The following CYSRT1 variants were observed in gnomAD, a reference collection of about 807,000 sequenced individuals.
CYSRT1 encodes the protein cysteine-rich tail protein 1.
Under a neutral mutation model 6.2 loss-of-function variants are expected in CYSRT1, and 7 were observed. That is an observed-to-expected ratio of 1.13 (90% CI 0.64 to 2.13). The LOEUF (loss-of-function observed/expected upper bound fraction) is 2.13. Among genes scored for constraint, CYSRT1 ranks in the 30% most tolerant of loss-of-function variants. The pLI is 0.00. For missense variants in CYSRT1, 188 were observed against 196.4 expected, an observed-to-expected ratio of 0.96 and a Z score of 0.26; for synonymous variants, 75 against 83.1, an observed-to-expected ratio of 0.90 and a Z score of 0.53.
Position 137,225,683 on chromosome 9 carries a change from A to T in CYSRT1, c.62A>T (p.His21Leu), listed in dbSNP as rs1835954615. ...PYAHISIPRA[H>L]LRPDLGQQLE... ...GCCCACATCAGCATCCCCCGGGCTC[A>T]CCTGCGGCCTGACCTGGGGCAGCAG... Residue 21 changes from histidine (H) to leucine (L), a missense_variant, in exon 2 of 2, where the codon CAC (histidine) becomes CTC (leucine). By Grantham distance (99) the His-to-Leu change is moderately conservative (BLOSUM62 -3). Coordinates refer to ENST00000650725, the MANE Select transcript of CYSRT1 (RefSeq NM_199001.5). The T allele has an allele frequency of 6.5e-6, 10 of 1,550,294 alleles. No homozygotes were observed. The highest frequency in any genetic ancestry group is 7.8e-6 in the Non-Finnish European group (9 of 1,146,948).
At position 137,226,030 on chromosome 9, in the gene CYSRT1, AGCT is replaced by A. The variant is rs1281931617; in HGVS notation, c.420_422del (p.Cys141del). Reference sequence around the variant, plus strand: ...CTGCCCCCCCTTCTGCCGCTGCCACAGCTGCTGCTGCTGTGTCATCTCCTAGCC... The same window carrying A: ...CTGCCCCCCCTTCTGCCGCTGCCACAGCTGCTGCTGTGTCATCTCCTAGCC... On this transcript the variant is annotated inframe_deletion, in exon 2 of 2. Coordinates refer to ENST00000650725, the MANE Select transcript of CYSRT1 (RefSeq NM_199001.5). 1 of 1,548,682 alleles carries A rather than the reference AGCT, an allele frequency of 6.5e-7. No homozygotes were observed. Among genetic ancestry groups the A allele is most frequent in the Non-Finnish European group, 8.7e-7 (1 of 1,146,688 alleles).
intron 1 of CYSRT1, 133 bp downstream of exon 1, chr9:137,225,366 A>G: frequency 1.8e-6 from 2 of 1,114,924 alleles, no homozygotes; most frequent in Non-Finnish European, 2.5e-6. Flanking sequence ...GGGGAGGGGG[A>G]GGATCCCTGG....
rs1219899706 is a variant in CYSRT1, at chr9:137,225,205, G to A, written c.-37G>A. 3.2e-6 allele frequency: 5 copies of A among 1,550,420 alleles called. No individual in the cohort carries two copies. The highest frequency in any genetic ancestry group is 2.7e-5 in the African/African-American group (2 of 73,190). On this transcript the variant is annotated 5_prime_UTR_variant, in exon 1 of 2. Coordinates refer to ENST00000650725, the MANE Select transcript of CYSRT1 (RefSeq NM_199001.5). ...TGGGACCTAGAGCTCAGAAGACCGA[G>A]AGGACAGACTGCCGTGTTGCCACCA...
Position 137,225,741 on chromosome 9 carries a change from G to A in CYSRT1, c.120G>A (p.Ser40=), listed in dbSNP as rs777169250. ...TGGCTTCCACCTGTTCCTCATCCTC[G>A]GAGATGCAGCCCCTGCCAGTGGGGC... ...LEVASTCSSS[S]EMQPLPVGPC... Residue 40 remains serine (S), a synonymous_variant, in exon 2 of 2, where the codon TCG becomes TCA. Transcript: ENST00000650725. 134 of 1,550,210 alleles carry A rather than the reference G, an allele frequency of 8.6e-5. 1 individual carries two copies. The highest frequency in any genetic ancestry group is 3.9e-4 in the South Asian group (33 of 84,046).
Position 137,225,239 on chromosome 9 carries a change from C to A in CYSRT1, c.-9+6C>A. 1 of 1,546,178 alleles carries A rather than the reference C, an allele frequency of 6.5e-7. No individual in the cohort carries two copies. Among genetic ancestry groups the A allele is most frequent in the Non-Finnish European group, 8.7e-7 (1 of 1,143,098 alleles). On this transcript the variant is annotated splice_donor_region_variant and intron_variant, in intron 1 of 1. Transcript: ENST00000650725. Reference sequence around the variant, plus strand: ...CTGCCGTGTTGCCACCACAGGTAAGCCCTTGGCCGCCGGGACTGCCCTGAA... The same window carrying A: ...CTGCCGTGTTGCCACCACAGGTAAGACCTTGGCCGCCGGGACTGCCCTGAA...
At position 137,226,100 on chromosome 9, in the gene CYSRT1, G is replaced by A. The variant is rs1045663257; in HGVS notation, c.*44G>A. 2.0e-6 allele frequency: 3 copies of A among 1,532,940 alleles called. No homozygotes were observed. In the African/African-American group the frequency reaches 4.1e-5, roughly 21 times the overall value. 95.0% of individuals were successfully genotyped at this position (1,532,940 alleles called of 1,614,324 possible). ...GGCCAGGACCCAGACTTCAGCAAATGTGGCTCACACAGTGCCGGGACATGC... is the reference window on the plus strand; with the variant it reads ...GGCCAGGACCCAGACTTCAGCAAATATGGCTCACACAGTGCCGGGACATGC... On this transcript the variant is annotated 3_prime_UTR_variant, in exon 2 of 2. Transcript: ENST00000650725.
chr9:137,225,816 G>T lies in CYSRT1; in HGVS notation c.195G>T (p.Gly65=), dbSNP rs1315881965. The T allele has an allele frequency of 2.6e-6, 4 of 1,548,878 alleles. No individual in the cohort carries two copies. In the South Asian group the frequency reaches 4.8e-5, roughly 18 times the overall value. The change falls in exon 2 of 2, where the codon GGG becomes GGT. Residue 65 remains glycine, a synonymous_variant. Transcript: ENST00000650725. ...TCTTGCAGCCGACCGAGGTCCCAGG[G>T]CCCAAGGGCGCCAAGGGTAACCAGG... ...THLLQPTEVP[G]PKGAKGNQGA...
In CYSRT1 at chr9:137,226,181, G is replaced by A; in HGVS notation, c.*125G>A. The A allele has an allele frequency of 6.8e-7, 1 of 1,465,162 alleles. No individual in the cohort carries two copies. Among genetic ancestry groups the A allele is most frequent in the Non-Finnish European group, 9.1e-7 (1 of 1,098,352 alleles). 90.8% of individuals were successfully genotyped at this position (1,465,162 alleles called of 1,614,324 possible). ...CGTCTGCCCCTTCACACCAGGCACT[G>A]GGGCTCAGACCCACCAGGAAGGTGG... On this transcript the variant is annotated 3_prime_UTR_variant, in exon 2 of 2. Transcript: ENST00000650725.
rs1279489244 is a variant in CYSRT1, at chr9:137,225,890, C to G, written c.269C>G (p.Pro90Arg). The G allele has an allele frequency of 1.3e-6, 2 of 1,545,628 alleles. No individual in the cohort carries two copies. The highest frequency in any genetic ancestry group is 4.9e-5 in the East Asian group (2 of 40,916). Residue 90 changes from proline to arginine, a missense_variant, in exon 2 of 2, where the codon CCC (proline) becomes CGC (arginine). Coordinates refer to ENST00000650725, the MANE Select transcript of CYSRT1 (RefSeq NM_199001.5). Reference protein sequence around the residue: ...NQQAWQQPGNPYSSSQRQAGL... With the variant: ...NQQAWQQPGNRYSSSQRQAGL... ...CAGGCCTGGCAGCAGCCTGGCAACCCCTACAGCAGCAGTCAGCGCCAGGCC... is the reference window on the plus strand; with the variant it reads ...CAGGCCTGGCAGCAGCCTGGCAACCGCTACAGCAGCAGTCAGCGCCAGGCC...
Position 137,225,603 on chromosome 9 carries a change from C to T in CYSRT1, c.-8-11C>T. 3 of 1,545,364 alleles carry T rather than the reference C, an allele frequency of 1.9e-6. No individual in the cohort carries two copies. The highest frequency in any genetic ancestry group is 2.6e-6 in the Non-Finnish European group (3 of 1,144,298). ...TGAGTTCATGTCTGTCTTCTCTGCC[C>T]ACCCCTGCAGGCTGGACCATGGACC... is the stretch of plus-strand genomic sequence containing the variant. On this transcript the variant is annotated splice_polypyrimidine_tract_variant and intron_variant, in intron 1 of 1. Coordinates refer to ENST00000650725, the MANE Select transcript of CYSRT1 (RefSeq NM_199001.5).
At position 137,226,169 on chromosome 9, in the gene CYSRT1, A is replaced by C; in HGVS notation, c.*113A>C. On this transcript the variant is annotated 3_prime_UTR_variant, in exon 2 of 2. Transcript: ENST00000650725. ...TGTTGTCATGGGCGTCTGCCCCTTC[A>C]CACCAGGCACTGGGGCTCAGACCCA... 2 of 1,470,362 alleles carry C rather than the reference A, an allele frequency of 1.4e-6. No individual in the cohort carries two copies. Among genetic ancestry groups the C allele is most frequent in the Non-Finnish European group, 1.8e-6 (2 of 1,100,546 alleles). 91.1% of individuals were successfully genotyped at this position (1,470,362 alleles called of 1,614,324 possible).
At position 137,225,585 on chromosome 9, in the gene CYSRT1, A is replaced by G. The variant is rs1309065542; in HGVS notation, c.-8-29A>G. On this transcript the variant is annotated intron_variant, in intron 1 of 1. Coordinates refer to ENST00000650725, the MANE Select transcript of CYSRT1 (RefSeq NM_199001.5). ...GCAGCCATCCCACTCCACTGAGTTC[A>G]TGTCTGTCTTCTCTGCCCACCCCTG... The G allele has an allele frequency of 2.6e-6, 4 of 1,533,980 alleles. No individual in the cohort carries two copies. In the Admixed American group the frequency reaches 6.1e-5, roughly 24 times the overall value.
chr9:137,225,799 C>T lies in CYSRT1; in HGVS notation c.178C>T (p.Pro60Ser). Residue 60 changes from proline (P) to serine (S), a missense_variant, in exon 2 of 2, where the codon CCG becomes TCG. Coordinates refer to ENST00000650725, the MANE Select transcript of CYSRT1 (RefSeq NM_199001.5). ...CAPEPTHLLQPTEVPGPKGAK... is the reference protein window; with the variant it reads ...CAPEPTHLLQSTEVPGPKGAK... ...CCCAGAGCCAACCCACCTCTTGCAG[C>T]CGACCGAGGTCCCAGGGCCCAAGGG... 1 of 1,549,554 alleles carries T rather than the reference C, an allele frequency of 6.5e-7. No homozygotes were observed. The highest frequency in any genetic ancestry group is 8.7e-7 in the Non-Finnish European group (1 of 1,146,850).
Position 137,225,217 on chromosome 9 carries a change from C to T in CYSRT1, c.-25C>T, listed in dbSNP as rs1835944034. On this transcript the variant is annotated 5_prime_UTR_variant, in exon 1 of 2. Transcript: ENST00000650725. Reference sequence around the variant, plus strand: ...CTCAGAAGACCGAGAGGACAGACTGCCGTGTTGCCACCACAGGTAAGCCCT... The same window carrying T: ...CTCAGAAGACCGAGAGGACAGACTGTCGTGTTGCCACCACAGGTAAGCCCT... 1 of 1,550,090 alleles carries T rather than the reference C, an allele frequency of 6.5e-7. No individual in the cohort carries two copies. Among genetic ancestry groups the T allele is most frequent in the South Asian group, 1.2e-5 (1 of 84,060 alleles).
In CYSRT1 at chr9:137,226,203, G is replaced by A; in HGVS notation, c.*147G>A. 1 of 1,419,444 alleles carries A rather than the reference G, an allele frequency of 7.0e-7. No individual in the cohort carries two copies. Among genetic ancestry groups the A allele is most frequent in the Non-Finnish European group, 9.3e-7 (1 of 1,072,298 alleles). The allele number at this position is 1,419,444 out of a possible 1,614,324, so 87.9% of individuals were successfully genotyped here. On this transcript the variant is annotated 3_prime_UTR_variant, in exon 2 of 2. Coordinates refer to ENST00000650725, the MANE Select transcript of CYSRT1 (RefSeq NM_199001.5). ...ACTGGGGCTCAGACCCACCAGGAAG[G>A]TGGCCGTTCAGCCCGAGCTCCTGAA...
At chr9:137,225,591 G>GTCTTCTCT (rs762371960) in intron 1 of CYSRT1, 23 bp from the exon 2 acceptor site, 1 of 1,538,600 alleles carries the variant, frequency 6.5e-7, no homozygotes, top group South Asian at 1.2e-5. Flanking sequence ...GTTCATGTCT[G>GTCTTCTCT]TCTTCTCTGC....
Position 137,226,277 on chromosome 9 carries a change from G to A in CYSRT1, c.*221G>A. On this transcript the variant is annotated 3_prime_UTR_variant, in exon 2 of 2. Coordinates refer to ENST00000650725, the MANE Select transcript of CYSRT1 (RefSeq NM_199001.5). Reference sequence around the variant, plus strand: ...AGAGGGACACCCCTGATTACCTTAAGGCCCAGGCAATAAAGCAGGGTGATC... The same window carrying A: ...AGAGGGACACCCCTGATTACCTTAAAGCCCAGGCAATAAAGCAGGGTGATC... 3.8e-6 allele frequency: 3 copies of A among 784,374 alleles called. No individual in the cohort carries two copies. Among genetic ancestry groups the A allele is most frequent in the South Asian group, 1.9e-5 (1 of 51,400 alleles). 48.6% of individuals were successfully genotyped at this position (784,374 alleles called of 1,614,324 possible). A position where few individuals can be genotyped will look rare whatever the true frequency, so the allele number is the denominator to read the frequency against.
chr9:137,225,949 C>A lies in CYSRT1; in HGVS notation c.328C>A (p.Arg110Ser). 1 of 1,548,094 alleles carries A rather than the reference C, an allele frequency of 6.5e-7. No homozygotes were observed. ...LTYAGPPPAGRGDDIAHHCCC... is the reference protein window; with the variant it reads ...LTYAGPPPAGSGDDIAHHCCC... ...CTACGCTGGCCCTCCGCCCGCGGGGCGCGGGGATGACATCGCCCACCACTG... is the reference window on the plus strand; with the variant it reads ...CTACGCTGGCCCTCCGCCCGCGGGGAGCGGGGATGACATCGCCCACCACTG... The change falls in exon 2 of 2, where the codon CGC (arginine) becomes AGC (serine). Residue 110 changes from arginine (R) to serine (S), a missense_variant. Physicochemically the swap from Arg to Ser is moderately radical, Grantham distance 110 (BLOSUM62 -1). Coordinates refer to ENST00000650725, the MANE Select transcript of CYSRT1 (RefSeq NM_199001.5).
chr9:137,225,959 A>T lies in CYSRT1; in HGVS notation c.338A>T (p.Asp113Val). Residue 113 changes from aspartate to valine, a missense_variant, in exon 2 of 2, where the codon GAC (aspartate) becomes GTC (valine). Coordinates refer to ENST00000650725, the MANE Select transcript of CYSRT1 (RefSeq NM_199001.5). Reference sequence around the variant, plus strand: ...CCTCCGCCCGCGGGGCGCGGGGATGACATCGCCCACCACTGCTGCTGCTGC... The same window carrying T: ...CCTCCGCCCGCGGGGCGCGGGGATGTCATCGCCCACCACTGCTGCTGCTGC... ...AGPPPAGRGD[D>V]IAHHCCCCPC... 1 of 1,548,756 alleles carries T rather than the reference A, an allele frequency of 6.5e-7. No homozygotes were observed. Among genetic ancestry groups the T allele is most frequent in the Non-Finnish European group, 8.7e-7 (1 of 1,146,632 alleles).
Sources: gnomAD v4.1 joint callset for allele counts on GRCh38, gnomAD v4.1.1 for gene constraint, MANE v1.5 for transcripts, NCBI Gene and HGNC (gene_info 2026-07-23, HGNC 2026-07-21) for gene names.